Variants in KLRG1 observed in about 807,000 individuals in gnomAD.
KLRG1 encodes the protein killer cell lectin like receptor G1.
KLRG1 carries 16 observed loss-of-function variants against 21.8 expected under a neutral mutation model. The observed-to-expected ratio is 0.73, with a 90% CI of 0.50 to 1.11. The LOEUF (loss-of-function observed/expected upper bound fraction) is 1.11. Among genes scored for constraint, KLRG1 ranks in the 50% most tolerant of loss-of-function variants. The pLI is 0.00. For missense variants in KLRG1, 173 were observed against 218.3 expected (o/e 0.79, Z 1.31); for synonymous variants, 69 against 75.9 (o/e 0.91, Z 0.47).
At chr12:9,097,955 T>G in the KLRG1 span, among the ~76,000 whole-genome samples, 1 of 152,228 alleles carries the variant, frequency 6.6e-6, no homozygotes, top group Non-Finnish European at 1.5e-5. Context: ...AACGGAAATC[T>G]GATATTTCAT....
chr12:9,044,128 C>T, the KLRG1 span, among the ~76,000 whole-genome samples: 1 of 152,080 alleles, frequency 6.6e-6, no homozygotes, highest in South Asian at 2.1e-4. Flanking sequence ...TATACAGTAA[C>T]AGATAAATGA....
the KLRG1 span, chr12:9,068,128 G>C: frequency 9.5e-6 from 15 of 1,580,928 alleles, no homozygotes; most frequent in African/African-American, 1.4e-5. Flanking sequence ...GAGAAGGTTT[G>C]GGGGGCAAGC....
chr12:9,018,860 T>G, the KLRG1 span, among the ~76,000 whole-genome samples: 4 of 152,224 alleles, frequency 2.6e-5, no homozygotes, highest in East Asian at 5.8e-4. Flanking sequence ...CTCTAGGACA[T>G]TGGTCTGAGC....
chr12:9,048,959 G>T, the KLRG1 span, among the ~76,000 whole-genome samples: 1 of 152,218 alleles, frequency 6.6e-6, no homozygotes, highest in South Asian at 2.1e-4. Context: ...AACCTTTGGG[G>T]CAGGGTTACC....
chr12:9,160,638 A>G, the KLRG1 span: 5 of 771,298 alleles, frequency 6.5e-6, no homozygotes, highest in African/African-American at 7.0e-5. Context: ...AATCCTAATA[A>G]GAATAGCAGC....
the KLRG1 span, among the ~76,000 whole-genome samples, chr12:9,059,995 TC>T: frequency 7.1e-5 from 7 of 98,018 alleles, no homozygotes; most frequent in Non-Finnish European, 1.1e-4. Context: ...AGCCCTGGCA[TC>T]TTTTTTTTTT....
chr12:8,978,698 C>CT (rs1253076891), intron 1 of KLRG1, among the ~76,000 whole-genome samples: 1 of 123,830 alleles, frequency 8.1e-6, no homozygotes, highest in Non-Finnish European at 1.7e-5. Context: ...CTTTTTCTTT[C>CT]TTTTCTCTCT....
chr12:9,054,412 A>G, the KLRG1 span, among the ~76,000 whole-genome samples: 17 of 152,178 alleles, frequency 1.1e-4, no homozygotes, highest in African/African-American at 3.9e-4. Flanking sequence ...TATGAAAAAT[A>G]ATAGTTCATG....
the KLRG1 span, among the ~76,000 whole-genome samples, chr12:9,087,592 G>A: frequency 6.6e-5 from 10 of 152,064 alleles, no homozygotes; most frequent in Non-Finnish European, 1.3e-4. Context: ...CTATTGCACA[G>A]CATGGTGAAT....
chr12:9,068,133 G>A, the KLRG1 span: 541,941 of 1,591,482 alleles, frequency 0.34, 97,589 homozygotes, highest in African/African-American at 0.53. Context: ...GGTTTGGGGG[G>A]CAAGCTGAAG....
the KLRG1 span, among the ~76,000 whole-genome samples, chr12:9,189,752 G>A: frequency 1.3e-5 from 2 of 152,204 alleles, no homozygotes; most frequent in East Asian, 3.9e-4. Context: ...TCCAATAAAG[G>A]TCTAATATCT....
Position 9,009,763 on chromosome 12 carries a change from C to G in KLRG1, c.*226C>G, listed in dbSNP as rs1181347575. On this transcript the variant is annotated 3_prime_UTR_variant, in exon 5 of 5. Transcript: ENST00000356986. ...GAGCAATTTAAAGACCAGATCTAAG[C>G]AAATTTTGAAATAGATGTTTGTTTT... 4 of 1,416,472 alleles carry G rather than the reference C, an allele frequency of 2.8e-6. No homozygotes were observed. Among genetic ancestry groups the G allele is most frequent in the Non-Finnish European group, 3.7e-6 (4 of 1,091,462 alleles). 87.7% of individuals were successfully genotyped at this position (1,416,472 alleles called of 1,614,324 possible). A position where few individuals can be genotyped will look rare whatever the true frequency, so the allele number is the denominator to read the frequency against.
chr12:9,130,738 A>AT, the KLRG1 span, among the ~76,000 whole-genome samples: 1 of 150,082 alleles, frequency 6.7e-6, no homozygotes, highest in Non-Finnish European at 1.5e-5. Flanking sequence ...TTTTTTTCCC[A>AT]TTTTGTATGT....
At chr12:9,152,199 T>A in the KLRG1 span, 1 of 1,511,026 alleles carries the variant, frequency 6.6e-7, no homozygotes, top group Non-Finnish European at 9.2e-7. Flanking sequence ...ATGAAGTCTA[T>A]TAGGATTAAA....
chr12:9,023,854 C>A, the KLRG1 span, among the ~76,000 whole-genome samples: 1 of 151,880 alleles, frequency 6.6e-6, no homozygotes, highest in Admixed American at 6.6e-5. Flanking sequence ...CAGTATCCAG[C>A]CTGTTTTTAT....
the KLRG1 span, among the ~76,000 whole-genome samples, chr12:9,206,198 A>T: frequency 2.1e-4 from 32 of 152,038 alleles, no homozygotes; most frequent in South Asian, 3.3e-3. Flanking sequence ...CATTTTTTAC[A>T]TCCCCATCAA....
At chr12:9,109,341 C>A in the KLRG1 span, 2 of 1,613,050 alleles carry the variant, frequency 1.2e-6, no homozygotes, top group South Asian at 1.1e-5. Context: ...CTGATACATT[C>A]ATCTCTTCTT....
chr12:8,964,713 G>A (rs1254047088), intron 1 of KLRG1, among the ~76,000 whole-genome samples: 9 of 143,728 alleles, frequency 6.3e-5, no homozygotes, highest in South Asian at 2.3e-4. Flanking sequence ...TATGAATCTG[G>A]GTGCTCCTGT....
the KLRG1 span, among the ~76,000 whole-genome samples, chr12:9,108,189 G>A: frequency 4.0e-5 from 6 of 151,898 alleles, no homozygotes; most frequent in Non-Finnish European, 5.9e-5. Flanking sequence ...GCAGTGGTGC[G>A]ATCTTGGCTC....
Sources: gnomAD v4.1 joint callset for allele counts (sites outside exome capture counted in the v4.1 genomes callset) on GRCh38, gnomAD v4.1.1 for gene constraint, MANE v1.5 for transcripts, NCBI Gene and HGNC (gene_info 2026-07-23, HGNC 2026-07-21) for gene names.